Variants in NEBL observed in about 807,000 individuals in gnomAD.
The protein encoded by NEBL is nebulette.
In NEBL, 122 loss-of-function variants were observed where a neutral mutation model predicts 140.2. That is an observed-to-expected ratio of 0.87 (90% CI 0.75 to 1.01). The LOEUF (loss-of-function observed/expected upper bound fraction) is 1.01, where lower values mean the gene tolerates loss of function less well. Among genes scored for constraint, NEBL ranks in the 50% least tolerant of loss-of-function variants. The pLI is 0.00. For missense variants in NEBL, 1,365 were observed against 1,231.3 expected, an observed-to-expected ratio of 1.11 and a Z score of -1.62; for synonymous variants, 436 against 398.9, an observed-to-expected ratio of 1.09 and a Z score of -1.11.
At chr10:20,972,240 G>T (rs966139338) in intron 3 of NEBL, among the ~76,000 whole-genome samples, 1 of 152,148 alleles carries the variant, frequency 6.6e-6, no homozygotes, top group Non-Finnish European at 1.5e-5. Flanking sequence ...TGATAAAAGT[G>T]ACAGATTATT....
chr10:20,966,639 C>T (rs1215230527), intron 3 of NEBL, among the ~76,000 whole-genome samples: 1 of 152,124 alleles, frequency 6.6e-6, no homozygotes, highest in Non-Finnish European at 1.5e-5. Context: ...GCCTGGACAC[C>T]GGAGCAGTTC....
intron 3 of NEBL, among the ~76,000 whole-genome samples, chr10:21,187,081 A>C (rs769494553): frequency 1.7e-4 from 25 of 150,120 alleles, no homozygotes; most frequent in Non-Finnish European, 3.4e-4. Flanking sequence ...TATTCCTAAC[A>C]CTCTTCCTCT....
intron 2 of NEBL, chr10:21,125,897 GCT>G: frequency 6.2e-7 from 1 of 1,614,182 alleles, no homozygotes; most frequent in East Asian, 2.2e-5. Flanking sequence ...TTAAATCCAT[GCT>G]TCCCTTTGGT....
intron 3 of NEBL, among the ~76,000 whole-genome samples, chr10:21,195,324 C>T (rs1841631605): frequency 6.6e-6 from 1 of 152,184 alleles, no homozygotes; most frequent in Non-Finnish European, 1.5e-5. Flanking sequence ...CCTAGCTCAA[C>T]TTGAGTGACA....
intron 3 of NEBL, among the ~76,000 whole-genome samples, chr10:21,197,764 T>C (rs980840622): frequency 6.6e-6 from 1 of 152,216 alleles, no homozygotes; most frequent in Non-Finnish European, 1.5e-5. Flanking sequence ...CTTTGAGATA[T>C]TCTTCCAGGT....
At chr10:21,103,013 T>C (rs1418336608) in intron 2 of NEBL, among the ~76,000 whole-genome samples, 1 of 130,188 alleles carries the variant, frequency 7.7e-6, no homozygotes, top group Non-Finnish European at 1.6e-5. Context: ...GTGCATATTG[T>C]TCCCCTCCTT....
intron 26 of NEBL, among the ~76,000 whole-genome samples, chr10:20,800,104 G>A (rs1377298953): frequency 6.6e-6 from 1 of 152,036 alleles, no homozygotes; most frequent in South Asian, 2.1e-4. Flanking sequence ...CTGCTACTTT[G>A]TATCATTTGA....
intron 4 of NEBL, among the ~76,000 whole-genome samples, chr10:20,939,129 A>G (rs1402081932): frequency 6.6e-6 from 1 of 152,214 alleles, no homozygotes; most frequent in Non-Finnish European, 1.5e-5. Context: ...TCCAAGACAC[A>G]TAACTGTCAG....
chr10:20,956,898 G>T (rs1326958473), intron 4 of NEBL, among the ~76,000 whole-genome samples: 1 of 152,094 alleles, frequency 6.6e-6, no homozygotes, highest in African/African-American at 2.4e-5. Context: ...AGCATGTATT[G>T]CTCATGCATG....
chr10:20,794,072 A>G (rs764311292), intron 26 of NEBL, among the ~76,000 whole-genome samples: 3 of 152,220 alleles, frequency 2.0e-5, no homozygotes, highest in Non-Finnish European at 2.9e-5. Context: ...GACTGCAGGA[A>G]GAAATCCAAG....
At chr10:21,154,941 C>T (rs1464115558) in intron 2 of NEBL, among the ~76,000 whole-genome samples, 1 of 152,200 alleles carries the variant, frequency 6.6e-6, no homozygotes, top group East Asian at 1.9e-4. Flanking sequence ...TGGCTCACGC[C>T]TGTAATCCCA....
intron 4 of NEBL, among the ~76,000 whole-genome samples, chr10:20,919,198 GTC>G (rs1833458898): frequency 6.6e-6 from 1 of 152,166 alleles, no homozygotes; most frequent in Non-Finnish European, 1.5e-5. Flanking sequence ...TGGGAGATTA[GTC>G]TCTCATGATT....
At chr10:20,823,429 G>A (rs1291623869) in intron 18 of NEBL, 129 bp from the exon 19 acceptor site, 14 of 650,696 alleles carry the variant, frequency 2.2e-5, no homozygotes, top group Non-Finnish European at 3.0e-5. Flanking sequence ...CCTTCACTGG[G>A]GACATAATTC....
At chr10:21,134,394 G>C (rs1367639369) in intron 2 of NEBL, among the ~76,000 whole-genome samples, 1 of 152,140 alleles carries the variant, frequency 6.6e-6, no homozygotes, top group Non-Finnish European at 1.5e-5. Context: ...TTTAGCAACA[G>C]TGTTAAAAAC....
In NEBL at chr10:21,119,284, A is replaced by G. The variant is rs147791301; in HGVS notation, c.164+53099T>C. Among the ~76,000 whole-genome samples, 312 of 152,200 alleles carry G rather than the reference A, an allele frequency of 2.0e-3. 6 individuals are homozygous for G. The East Asian group carries it at 0.057, about 28-fold the overall frequency. On this transcript the variant is annotated intron_variant, in intron 2 of 6. Transcript: ENST00000417816. ...TAACTTTTTATTTTGAAAAATTTCA[A>G]ACCTGCAGAACAGCTTCAAAACTAG...
chr10:21,178,242 G>A (rs1052373468), upstream of NEBL, among the ~76,000 whole-genome samples: 1 of 152,180 alleles, frequency 6.6e-6, no homozygotes, highest in Admixed American at 6.5e-5. Flanking sequence ...AGCTATTACA[G>A]AAACAATTAC....
At chr10:20,967,444 A>G (rs1386431362) in intron 3 of NEBL, among the ~76,000 whole-genome samples, 3 of 152,202 alleles carry the variant, frequency 2.0e-5, no homozygotes, top group Non-Finnish European at 4.4e-5. Flanking sequence ...CCTGGCCAAC[A>G]TGGCCAAACC....
chr10:21,150,442 T>C (rs533167577), intron 2 of NEBL, among the ~76,000 whole-genome samples: 1 of 152,328 alleles, frequency 6.6e-6, no homozygotes, highest in South Asian at 2.1e-4. Flanking sequence ...GCTGGGAGTC[T>C]ACCCAGTGAG....
chr10:20,855,583 C>T (rs968997150), intron 9 of NEBL, among the ~76,000 whole-genome samples: 4 of 151,652 alleles, frequency 2.6e-5, no homozygotes, highest in Non-Finnish European at 5.9e-5. Flanking sequence ...ACTTCGAATG[C>T]GTGTCTTTCC....
Sources: gnomAD v4.1 joint callset for allele counts (sites outside exome capture counted in the v4.1 genomes callset) on GRCh38, gnomAD v4.1.1 for gene constraint, MANE v1.5 for transcripts, NCBI Gene and HGNC (gene_info 2026-07-23, HGNC 2026-07-21) for gene names.